CDH5: variants seen among roughly 807,000 people sequenced by gnomAD.
CDH5 encodes the protein cadherin 5.
In CDH5, 28 loss-of-function variants were observed where a neutral mutation model predicts 62.0. The observed-to-expected ratio is 0.45, with a 90% confidence interval of 0.33 to 0.62. The LOEUF (loss-of-function observed/expected upper bound fraction) is 0.62, where lower values mean the gene tolerates loss of function less well. Ranked by LOEUF, CDH5 falls within the 20% of genes least tolerant of loss-of-function variation. The probability of loss-of-function intolerance (pLI) is 0.02; values close to 1 mark genes in which losing one functional copy is unlikely to be tolerated. For missense variants in CDH5, 940 were observed against 1,065.1 expected (o/e 0.88, Z 1.63); for synonymous variants, 464 against 445.8 (o/e 1.04, Z -0.52).
chr16:66,376,674 C>G (rs1270616735), intron 1 of CDH5: 1 of 152,240 alleles, frequency 6.6e-6, no homozygotes, highest in African/African-American at 2.4e-5. Flanking sequence ...GGCTGGCACT[C>G]AGATGTGGGC....
At chr16:66,389,855 GAGACTCAGGTCCC>G (rs1961052302) in intron 5 of CDH5, among the ~76,000 whole-genome samples, 1 of 152,186 alleles carries the variant, frequency 6.6e-6, no homozygotes, top group South Asian at 2.1e-4. Context: ...TCAAAGCCCT[GAGACTCAGGTCCC>G]AGCTAGAAAT....
rs538688720 is a variant in CDH5 at position 66,388,725 on chromosome 16, G to A, written c.616+285G>A. ...GGGCAGCAGAGGATGGTGGCTAGCC[G>A]CTCTGGGTGCAGGTTCAGACAGATC... is the stretch of plus-strand genomic sequence containing the variant. On this transcript the variant is annotated intron_variant, in intron 4 of 11. Coordinates refer to ENST00000341529, the MANE Select transcript of CDH5 (RefSeq NM_001795.5). Among the ~76,000 whole-genome samples, 162 of 152,302 alleles carry A rather than the reference G, an allele frequency of 1.1e-3. 1 individual carries two copies. Among genetic ancestry groups the A allele is most frequent in the Admixed American group, 2.2e-3 (33 of 15,310 alleles).
At chr16:66,392,050 C>A in intron 6 of CDH5, 86 bp from the exon 7 acceptor site, 1 of 1,526,062 alleles carries the variant, frequency 6.6e-7, no homozygotes, top group Non-Finnish European at 9.0e-7. Flanking sequence ...CATCCTGGTA[C>A]TACCTTGCAT....
chr16:66,389,040 T>C (rs1361982513), intron 4 of CDH5, among the ~76,000 whole-genome samples: 1 of 152,232 alleles, frequency 6.6e-6, no homozygotes, highest in Non-Finnish European at 1.5e-5. Context: ...ATGCCACTAC[T>C]ATGCTACAGT....
At position 66,392,341 on chromosome 16, in the gene CDH5, C is replaced by T. The variant is rs373126864; in HGVS notation, c.1175C>T (p.Thr392Ile). 8 of 1,614,192 alleles carry T rather than the reference C, an allele frequency of 5.0e-6. No individual in the cohort carries two copies. Among genetic ancestry groups the T allele is most frequent in the Non-Finnish European group, 6.8e-6 (8 of 1,180,038 alleles). The change falls in exon 7 of 12, where the codon ACA (threonine) becomes ATA (isoleucine). Residue 392 changes from threonine (T) to isoleucine (I), a missense_variant. By Grantham distance (89) the Thr-to-Ile change is moderately conservative. Coordinates refer to ENST00000341529, the MANE Select transcript of CDH5 (RefSeq NM_001795.5). ...KENQKKPLIG[T>I]VLAMDPDAAR... is the part of the protein sequence containing the mutation. Reference sequence around the variant, plus strand: ...AACCAGAAGAAGCCTCTGATTGGCACAGTGCTGGCCATGGACCCTGATGCG... The same window carrying T: ...AACCAGAAGAAGCCTCTGATTGGCATAGTGCTGGCCATGGACCCTGATGCG...
At chr16:66,400,668 G>T (rs6499082) in intron 10 of CDH5, 103 bp from the exon 11 acceptor site, 3 of 1,394,310 alleles carry the variant, frequency 2.2e-6, no homozygotes, top group Admixed American at 1.7e-5. Context: ...AGCAGCCCAG[G>T]GAGCACGCAG....
chr16:66,372,122 G>A (rs1960702658), intron 1 of CDH5, among the ~76,000 whole-genome samples: 1 of 152,200 alleles, frequency 6.6e-6, no homozygotes, highest in Non-Finnish European at 1.5e-5. Flanking sequence ...TCACTCCTGG[G>A]ACTGTGGTCC....
chr16:66,394,277 G>T (rs1376839693), intron 7 of CDH5, among the ~76,000 whole-genome samples: 3 of 152,010 alleles, frequency 2.0e-5, no homozygotes, highest in African/African-American at 7.2e-5. Context: ...TGTTACATTT[G>T]TTAGTCCTGT....
intron 6 of CDH5, 73 bp downstream of exon 6, chr16:66,390,663 A>C (rs1043167717): frequency 1.1e-5 from 15 of 1,422,880 alleles, no homozygotes; most frequent in Non-Finnish European, 1.3e-5. Flanking sequence ...CTGCTTGGGG[A>C]TTGCTCCTGG....
At position 66,402,992 on chromosome 16, in the gene CDH5, C is replaced by T. The variant is rs368057935; in HGVS notation, c.2178C>T (p.Asp726=). 21 of 1,613,450 alleles carry T rather than the reference C, an allele frequency of 1.3e-5. No individual in the cohort carries two copies. The African/African-American group carries it at 2.4e-4, about 18-fold the overall frequency. Reference sequence around the variant, plus strand: ...ACGACGGCGACGGCCCCCCCTACGACACGCTGCACATCTACGGCTACGAGG... The same window carrying T: ...ACGACGGCGACGGCCCCCCCTACGATACGCTGCACATCTACGGCTACGAGG... ...ADHDGDGPPY[D]TLHIYGYEGS... is the part of the protein sequence containing the mutation. The change falls in exon 12 of 12, where the codon GAC becomes GAT. Residue 726 remains aspartate, a synonymous_variant. Coordinates refer to ENST00000341529, the MANE Select transcript of CDH5 (RefSeq NM_001795.5).
At chr16:66,371,267 G>A (rs1238193930) in intron 1 of CDH5, among the ~76,000 whole-genome samples, 5 of 152,186 alleles carry the variant, frequency 3.3e-5, no homozygotes, top group Non-Finnish European at 4.4e-5. Flanking sequence ...GATTTGAGCT[G>A]TGGAATGGGA....
intron 3 of CDH5, 73 bp from the exon 4 acceptor site, chr16:66,388,251 C>T (rs1395291940): frequency 1.2e-5 from 11 of 918,624 alleles, no homozygotes; most frequent in Non-Finnish European, 3.6e-6. Flanking sequence ...TGAGCCCCAT[C>T]TGCTCTGTTC....
intron 1 of CDH5, among the ~76,000 whole-genome samples, chr16:66,372,237 C>T (rs921455011): frequency 2.0e-5 from 3 of 152,258 alleles, no homozygotes; most frequent in Non-Finnish European, 4.4e-5. Context: ...ACCACATGAC[C>T]GGCATCCCTC....
chr16:66,382,136 C>T (rs7404372), intron 2 of CDH5, among the ~76,000 whole-genome samples: 107,452 of 151,716 alleles, frequency 0.71, 38,316 homozygotes, highest in East Asian at 0.81. Context: ...GCCGGTGTGG[C>T]CCCAGGGTTC....
chr16:66,378,670 C>T (rs994954848), intron 1 of CDH5, among the ~76,000 whole-genome samples: 1 of 152,228 alleles, frequency 6.6e-6, no homozygotes, highest in Non-Finnish European at 1.5e-5. Flanking sequence ...GCCTCACACC[C>T]TCTTCCTGGA....
chr16:66,382,041 C>T (rs1332535422), intron 2 of CDH5, among the ~76,000 whole-genome samples: 5 of 152,224 alleles, frequency 3.3e-5, no homozygotes, highest in Admixed American at 6.5e-5. Flanking sequence ...TGGGAAGGCC[C>T]AGTCTGGCCA....
At chr16:66,392,685 G>T (rs1865977) in intron 7 of CDH5, 121,946 of 336,550 alleles carry the variant, frequency 0.36, 22,749 homozygotes, top group East Asian at 0.52. Flanking sequence ...AGATCTGACA[G>T]TCAAGAAAGC....
chr16:66,388,710 G>T (rs974560875), intron 4 of CDH5, among the ~76,000 whole-genome samples: 2 of 152,240 alleles, frequency 1.3e-5, no homozygotes, highest in Non-Finnish European at 2.9e-5. Context: ...GGGCAGCAGA[G>T]GATGGTGGCT....
intron 2 of CDH5, among the ~76,000 whole-genome samples, chr16:66,384,905 G>T (rs1487907599): frequency 3.3e-5 from 5 of 152,154 alleles, no homozygotes; most frequent in Non-Finnish European, 5.9e-5. Context: ...GGCGGAGGTT[G>T]CAGTGAGCCA....
Sources: gnomAD v4.1 joint callset for allele counts (sites outside exome capture counted in the v4.1 genomes callset) on GRCh38, gnomAD v4.1.1 for gene constraint, MANE v1.5 for transcripts, NCBI Gene and HGNC (gene_info 2026-07-23, HGNC 2026-07-21) for gene names.